ROS1: variants seen among roughly 807,000 people sequenced by gnomAD.
The protein encoded by ROS1 is ROS proto-oncogene 1, receptor tyrosine kinase.
Under a neutral mutation model 273.5 loss-of-function variants are expected in ROS1, and 263 were observed. That is an observed-to-expected ratio of 0.96 (90% CI 0.87 to 1.06). ROS1 has a LOEUF of 1.06. Ranked by LOEUF, ROS1 falls within the 50% of genes least tolerant of loss-of-function variation. The pLI is 0.00. For missense variants in ROS1, 2,833 were observed against 2,751.1 expected, an observed-to-expected ratio of 1.03 and a Z score of -0.67; for synonymous variants, 1,008 against 954.1, an observed-to-expected ratio of 1.06 and a Z score of -1.04.
Position 117,403,277 on chromosome 6 carries a change from T to C in ROS1, c.466A>G (p.Thr156Ala). ...ACCACATAGGACGGTCTGGACACAGTCTAGATCAAGGAGTGATCAATCATC... is the reference window on the plus strand; with the variant it reads ...ACCACATAGGACGGTCTGGACACAGCCTAGATCAAGGAGTGATCAATCATC... ...QLLGSWTYTK[T>A]VSRPSYVVKP... Residue 156 changes from threonine (T) to alanine (A), a missense_variant and splice_region_variant, in exon 7 of 44, where the codon ACT (threonine) becomes GCT (alanine). Coordinates refer to ENST00000368507, the MANE Select transcript of ROS1 (RefSeq NM_001378902.1). 6.2e-7 allele frequency: 1 copy of C among 1,611,540 alleles called. No homozygotes were observed. Among genetic ancestry groups the C allele is most frequent in the Non-Finnish European group, 8.5e-7 (1 of 1,179,454 alleles).
rs745676042 is a variant in ROS1 at position 117,353,214 on chromosome 6, C to A, written c.4127-48G>T. 10 of 1,316,680 alleles carry A rather than the reference C, an allele frequency of 7.6e-6. No individual in the cohort carries two copies. The East Asian group carries it at 2.1e-4, about 28-fold the overall frequency. The allele number at this position is 1,316,680 out of a possible 1,614,324, so 81.6% of individuals were successfully genotyped here. A position where few individuals can be genotyped will look rare whatever the true frequency, so the allele number is the denominator to read the frequency against. On this transcript the variant is annotated intron_variant, in intron 26 of 43. Coordinates refer to ENST00000368507, the MANE Select transcript of ROS1 (RefSeq NM_001378902.1). ...TATAAAGAACAAAATTAATATCTTA[C>A]ATTTTTTACTCTAAAAATGTATGAA...
At chr6:117,409,118 G>C (rs34231660) in intron 5 of ROS1, among the ~76,000 whole-genome samples, 8,792 of 151,426 alleles carry the variant, frequency 0.058, 315 homozygotes, top group Middle Eastern at 0.089. Flanking sequence ...AATGTTAAAT[G>C]ATGAGTTAAT....
At chr6:117,406,915 T>C (rs1774451422) in intron 5 of ROS1, among the ~76,000 whole-genome samples, 1 of 152,190 alleles carries the variant, frequency 6.6e-6, no homozygotes, top group African/African-American at 2.4e-5. Context: ...GGTATCACCA[T>C]CCAACAGATT....
intron 42 of ROS1, 59 bp from the exon 43 acceptor site, chr6:117,301,196 C>T (rs1400603760): frequency 7.2e-7 from 1 of 1,387,482 alleles, no homozygotes; most frequent in African/African-American, 1.5e-5. Context: ...TACTGATAAC[C>T]CAGGTAGGGT....
In ROS1 at chr6:117,317,201, A is replaced by G. The variant is rs2128555608; in HGVS notation, c.6059T>C (p.Leu2020Pro). 6.2e-7 allele frequency: 1 copy of G among 1,613,410 alleles called. No individual in the cohort carries two copies. The highest frequency in any genetic ancestry group is 2.2e-5 in the East Asian group (1 of 44,852). ...CLLNEPQYII[L>P]ELMEGGDLLT... Reference sequence around the variant, plus strand: ...AAGGTCTCCTCCCTCCATCAGTTCCAGGATAATGTATTGGGGTTCATTCAG... The same window carrying G: ...AAGGTCTCCTCCCTCCATCAGTTCCGGGATAATGTATTGGGGTTCATTCAG... The change falls in exon 39 of 44, where the codon CTG becomes CCG. Residue 2020 changes from leucine (L) to proline (P), a missense_variant. By Grantham distance (98) the Leu-to-Pro change is moderately conservative. Coordinates refer to ENST00000368507, the MANE Select transcript of ROS1 (RefSeq NM_001378902.1).
intron 3 of ROS1, among the ~76,000 whole-genome samples, chr6:117,415,484 G>A (rs1280456908): frequency 6.6e-6 from 1 of 152,040 alleles, no homozygotes; most frequent in East Asian, 1.9e-4. Flanking sequence ...CCTAAACAAG[G>A]GAACCCACTT....
intron 43 of ROS1, among the ~76,000 whole-genome samples, chr6:117,289,423 A>G (rs559592622): frequency 6.6e-6 from 1 of 152,322 alleles, no homozygotes; most frequent in South Asian, 2.1e-4. Flanking sequence ...CTTCAATTGA[A>G]ATATGAGGAA....
At chr6:117,289,617 C>T (rs745666307) in intron 43 of ROS1, among the ~76,000 whole-genome samples, 1 of 152,174 alleles carries the variant, frequency 6.6e-6, no homozygotes, top group Non-Finnish European at 1.5e-5. Context: ...TGCAGACCCT[C>T]CGAACTGCTG....
intron 43 of ROS1, among the ~76,000 whole-genome samples, chr6:117,291,801 A>C (rs2128524172): frequency 6.6e-6 from 1 of 152,240 alleles, no homozygotes; most frequent in African/African-American, 2.4e-5. Context: ...ATTGAGTGTG[A>C]GCATTGTTTC....
At chr6:117,404,472 T>A (rs1223886631) in intron 5 of ROS1, 44 bp from the exon 6 acceptor site, 10 of 1,595,578 alleles carry the variant, frequency 6.3e-6, no homozygotes, top group Non-Finnish European at 8.6e-6. Flanking sequence ...CTCCTGTCCA[T>A]CAGCGCAAGA....
Position 117,308,807 on chromosome 6 carries a change from A to T in ROS1, c.6538T>A (p.Cys2180Ser), listed in dbSNP as rs1775313296. ...TAATTAACTTACAGATCATCAGGAC[A>T]ATTTCTTGGTGGCTCCAGTCTCCCT... ...TGGRLEPPRN[C>S]PDDLWNLMTQ... is the part of the protein sequence containing the mutation. Residue 2180 changes from cysteine (C) to serine (S), a missense_variant, in exon 42 of 44, where the codon TGT becomes AGT. Physicochemically the swap from Cys to Ser is moderately radical, Grantham distance 112. Transcript: ENST00000368507. The T allele has an allele frequency of 6.2e-7, 1 of 1,612,648 alleles. No individual in the cohort carries two copies. The highest frequency in any genetic ancestry group is 1.3e-5 in the African/African-American group (1 of 74,782).
intron 12 of ROS1, among the ~76,000 whole-genome samples, chr6:117,390,858 GA>G (rs1394404893): frequency 6.6e-6 from 1 of 152,000 alleles, no homozygotes; most frequent in African/African-American, 2.4e-5. Flanking sequence ...TTTTAATAAT[GA>G]AAAAGAAAAC....
rs558805166 is a variant in ROS1, at chr6:117,375,891, T to C, written c.2582+3168A>G. Among the ~76,000 whole-genome samples, 117 of 152,196 alleles carry C rather than the reference T, an allele frequency of 7.7e-4. 1 individual carries two copies. Among genetic ancestry groups the C allele is most frequent in the Admixed American group, 3.7e-3 (56 of 15,302 alleles). On this transcript the variant is annotated intron_variant, in intron 18 of 43. Coordinates refer to ENST00000368507, the MANE Select transcript of ROS1 (RefSeq NM_001378902.1). ...ATAGTTGGAGACATACCAAAATTTG[T>C]TGAATACAACTAATATAGACCTTGA...
intron 2 of ROS1, among the ~76,000 whole-genome samples, chr6:117,417,508 CA>C (rs1156318965): frequency 3.9e-5 from 6 of 152,144 alleles, no homozygotes; most frequent in Non-Finnish European, 7.4e-5. Flanking sequence ...CTTTTTAAAA[CA>C]AAACCTGGTT....
chr6:117,304,636 C>A (rs1774970835), intron 42 of ROS1, among the ~76,000 whole-genome samples: 1 of 152,132 alleles, frequency 6.6e-6, no homozygotes, highest in African/African-American at 2.4e-5. Context: ...GAAACTATCC[C>A]TTTGTCCAGC....
intron 3 of ROS1, among the ~76,000 whole-genome samples, chr6:117,415,078 A>C (rs560166441): frequency 6.6e-6 from 1 of 152,252 alleles, no homozygotes; most frequent in Non-Finnish European, 1.5e-5. Flanking sequence ...AATCTAAAAA[A>C]GACAGACAGC....
At chr6:117,291,614 A>T (rs1312552669) in intron 43 of ROS1, among the ~76,000 whole-genome samples, 2 of 152,158 alleles carry the variant, frequency 1.3e-5, no homozygotes, top group Non-Finnish European at 2.9e-5. Flanking sequence ...CAAGTCACTA[A>T]ACCTCAGTTT....
Position 117,425,816 on chromosome 6 carries a change from T to A in ROS1, c.-160A>T. 1.4e-6 allele frequency: 1 copy of A among 700,950 alleles called. No individual in the cohort carries two copies. The highest frequency in any genetic ancestry group is 2.3e-6 in the Non-Finnish European group (1 of 426,462). 43.4% of individuals were successfully genotyped at this position (700,950 alleles called of 1,614,324 possible). ...TATACTTGCCTTTTGAAATAATACT[T>A]AGCCTTTTTCATTTAGACCTTTGAA... On this transcript the variant is annotated 5_prime_UTR_variant, in exon 1 of 44. An upstream open reading frame in the 5' UTR gains an earlier in-frame stop. Transcript: ENST00000368507.
chr6:117,369,738 T>A lies in ROS1; in HGVS notation c.2583-3448A>T, dbSNP rs550608884. 2.6e-5 allele frequency among the ~76,000 whole-genome samples: 4 copies of A among 152,184 alleles called. No individual in the cohort carries two copies. In the South Asian group the frequency reaches 8.3e-4, roughly 32 times the overall value. On this transcript the variant is annotated intron_variant, in intron 18 of 43. Coordinates refer to ENST00000368507, the MANE Select transcript of ROS1 (RefSeq NM_001378902.1). ...TACCTTAAGTTCCTAAGGAAAGGAATAATCAGTTTTCTCTGATTCACAGGT... is the reference window on the plus strand; with the variant it reads ...TACCTTAAGTTCCTAAGGAAAGGAAAAATCAGTTTTCTCTGATTCACAGGT...
Sources: allele counts gnomAD v4.1 joint callset (sites outside exome capture counted in the v4.1 genomes callset), GRCh38; gene constraint gnomAD v4.1.1; transcripts MANE v1.5; gene names NCBI Gene and HGNC (gene_info 2026-07-23, HGNC 2026-07-21).